Variants in CSMD1 observed in about 807,000 individuals in gnomAD.
The protein encoded by CSMD1 is CUB and sushi domain-containing protein 1.
In CSMD1, 213 loss-of-function variants were observed where a neutral mutation model predicts 417.5. That is an observed-to-expected ratio of 0.51 (90% CI 0.46 to 0.57). The LOEUF (loss-of-function observed/expected upper bound fraction) is 0.57. Among genes scored for constraint, CSMD1 ranks in the 20% least tolerant of loss-of-function variants. The probability of loss-of-function intolerance (pLI) is 0.00; values close to 1 mark genes in which losing one functional copy is unlikely to be tolerated. For synonymous variants in CSMD1, 2,862 were observed against 1,736.8 expected, an observed-to-expected ratio of 1.65 and a Z score of -16.11; for missense variants, 6,923 against 4,529.7, an observed-to-expected ratio of 1.53 and a Z score of -15.17.
chr8:3,871,860 C>A (rs1371722346), intron 5 of CSMD1, among the ~76,000 whole-genome samples: 1 of 152,068 alleles, frequency 6.6e-6, no homozygotes, highest in Non-Finnish European at 1.5e-5. Flanking sequence ...CCAAGAACTC[C>A]CTTCTGAAAG....
intron 7 of CSMD1, among the ~76,000 whole-genome samples, chr8:3,651,686 C>T (rs1177660405): frequency 6.6e-6 from 1 of 152,106 alleles, no homozygotes; most frequent in African/African-American, 2.4e-5. Flanking sequence ...CTGTACTTAA[C>T]ACCATCAGAG....
At chr8:4,054,131 T>G (rs1798572525) in intron 3 of CSMD1, among the ~76,000 whole-genome samples, 1 of 152,088 alleles carries the variant, frequency 6.6e-6, no homozygotes, top group Non-Finnish European at 1.5e-5. Flanking sequence ...ATTCTCCACT[T>G]TTTTCTATGT....
rs560864420 is a variant in CSMD1, at chr8:3,206,474, C to G, written c.4868-854G>C. ...GTATGTGTGTGTGGGGGGGTTATGTCTGTGCGTGTATGTGTGTGTGGGTGT... is the reference window on the plus strand; with the variant it reads ...GTATGTGTGTGTGGGGGGGTTATGTGTGTGCGTGTATGTGTGTGTGGGTGT... On this transcript the variant is annotated intron_variant, in intron 30 of 69. Coordinates refer to ENST00000635120, the MANE Select transcript of CSMD1 (RefSeq NM_033225.6). 3.8e-3 allele frequency among the ~76,000 whole-genome samples: 75 copies of G among 19,650 alleles called. 4 individuals are homozygous for G. Among genetic ancestry groups the G allele is most frequent in the African/African-American group, 0.013 (69 of 5,514 alleles). The allele number at this position is 19,650 out of a possible 152,430, so 12.9% of individuals were successfully genotyped here.
rs190191479 is a variant in CSMD1 at position 3,474,179 on chromosome 8, C to T, written c.1449-5355G>A. 1.3e-3 allele frequency among the ~76,000 whole-genome samples: 198 copies of T among 152,236 alleles called. No homozygotes were observed. The South Asian group carries it at 0.014, about 11-fold the overall frequency. On this transcript the variant is annotated intron_variant, in intron 11 of 69. Coordinates refer to ENST00000635120, the MANE Select transcript of CSMD1 (RefSeq NM_033225.6). ...TTGCTCCCAGGTTTTCTCCCACATC[C>T]CAAAGCTGTGCATGTGAGGTTTATT...
intron 20 of CSMD1, among the ~76,000 whole-genome samples, chr8:3,361,195 A>C (rs1809140898): frequency 6.6e-6 from 1 of 152,228 alleles, no homozygotes; most frequent in Admixed American, 6.5e-5. Flanking sequence ...TCATACGTTT[A>C]CTTTTTAGAA....
intron 5 of CSMD1, among the ~76,000 whole-genome samples, chr8:3,918,100 G>T (rs993834796): frequency 6.6e-6 from 1 of 151,964 alleles, no homozygotes; most frequent in Admixed American, 6.6e-5. Context: ...ATTGATCAAA[G>T]TGCATTTATG....
At chr8:3,136,453 C>A (rs1464130791) in intron 41 of CSMD1, among the ~76,000 whole-genome samples, 1 of 151,846 alleles carries the variant, frequency 6.6e-6, no homozygotes, top group African/African-American at 2.4e-5. Flanking sequence ...TTAGTAGAAA[C>A]GGGGTTTCAC....
intron 3 of CSMD1, among the ~76,000 whole-genome samples, chr8:4,323,590 C>A (rs1317075578): frequency 6.6e-6 from 1 of 152,060 alleles, no homozygotes; most frequent in Non-Finnish European, 1.5e-5. Context: ...GTTTGAGTGG[C>A]TGATACCCAA....
intron 47 of CSMD1, 77 bp downstream of exon 47, chr8:3,096,770 TTA>T: frequency 1.1e-6 from 1 of 951,220 alleles, no homozygotes. Context: ...ATTCCAGTCT[TTA>T]TGTTACTAAA....
At chr8:3,964,019 C>T (rs1239603245) in intron 5 of CSMD1, among the ~76,000 whole-genome samples, 1 of 152,090 alleles carries the variant, frequency 6.6e-6, no homozygotes, top group Non-Finnish European at 1.5e-5. Context: ...CACAAAGAAA[C>T]TTCATGCTTT....
chr8:3,138,807 G>C (rs1585447510), intron 41 of CSMD1, among the ~76,000 whole-genome samples: 1 of 152,208 alleles, frequency 6.6e-6, no homozygotes, highest in Admixed American at 6.5e-5. Context: ...AGCTTAGCCA[G>C]AGAGACAGCA....
At position 2,950,232 on chromosome 8, in the gene CSMD1, T is replaced by C. The variant is rs759296417; in HGVS notation, c.10313A>G (p.Tyr3438Cys). ...CACAGACCTTACACATGTACTTACA[T>C]AACCATCTAGTCCCCAGTTGTCATT... ...FENDNWGLDGYVSSGLERGGF... is the reference protein window; with the variant it reads ...FENDNWGLDGCVSSGLERGGF... The change falls in exon 67 of 70, where the codon TAT (tyrosine) becomes TGT (cysteine). Residue 3438 changes from tyrosine to cysteine, a missense_variant and splice_region_variant. Coordinates refer to ENST00000635120, the MANE Select transcript of CSMD1 (RefSeq NM_033225.6). The C allele has an allele frequency of 1.6e-5, 25 of 1,581,724 alleles. No individual in the cohort carries two copies. The highest frequency in any genetic ancestry group is 2.1e-5 in the Non-Finnish European group (24 of 1,150,608).
intron 1 of CSMD1, among the ~76,000 whole-genome samples, chr8:4,966,029 G>C (rs747471044): frequency 6.6e-6 from 1 of 151,912 alleles, no homozygotes; most frequent in African/African-American, 2.4e-5. Context: ...TGATATGCAA[G>C]TATTTTTAGC....
At chr8:3,074,989 G>A (rs1431632021) in intron 49 of CSMD1, among the ~76,000 whole-genome samples, 1 of 152,096 alleles carries the variant, frequency 6.6e-6, no homozygotes, top group Admixed American at 6.5e-5. Flanking sequence ...GAATGGCTTA[G>A]CACCTTCCTT....
At chr8:4,672,565 G>T (rs1210778851) in intron 1 of CSMD1, among the ~76,000 whole-genome samples, 2 of 152,164 alleles carry the variant, frequency 1.3e-5, no homozygotes, top group African/African-American at 2.4e-5. Flanking sequence ...CACAGAAAGT[G>T]TAAGACTATT....
chr8:4,564,797 A>C (rs1207302153), intron 2 of CSMD1, among the ~76,000 whole-genome samples: 1 of 152,250 alleles, frequency 6.6e-6, no homozygotes, highest in Non-Finnish European at 1.5e-5. Flanking sequence ...AGCACCTAGA[A>C]TTTAAAATAT....
intron 5 of CSMD1, among the ~76,000 whole-genome samples, chr8:3,893,994 C>T (rs1019362125): frequency 6.6e-6 from 1 of 152,034 alleles, no homozygotes; most frequent in Non-Finnish European, 1.5e-5. Flanking sequence ...TTCCCATCTC[C>T]TTATGAATAA....
intron 5 of CSMD1, among the ~76,000 whole-genome samples, chr8:3,760,320 C>T (rs151043788): frequency 6.6e-6 from 1 of 152,144 alleles, no homozygotes; most frequent in African/African-American, 2.4e-5. Context: ...ATGCCAAATT[C>T]ATTTCCTTCA....
chr8:3,212,157 C>A (rs1021595031), intron 30 of CSMD1, among the ~76,000 whole-genome samples: 1 of 152,182 alleles, frequency 6.6e-6, no homozygotes, highest in Non-Finnish European at 1.5e-5. Context: ...CCCATGAGCA[C>A]GCTGAGTTCT....
Sources: allele counts gnomAD v4.1 joint callset (sites outside exome capture counted in the v4.1 genomes callset), GRCh38; gene constraint gnomAD v4.1.1; transcripts MANE v1.5; gene names NCBI Gene and HGNC (gene_info 2026-07-23, HGNC 2026-07-21).